SAMD4A: variants seen among roughly 807,000 people sequenced by gnomAD.
SAMD4A encodes protein Smaug homolog 1.
In SAMD4A, 33 loss-of-function variants were observed where a neutral mutation model predicts 81.3. The ratio of observed to expected loss-of-function variants is 0.41; its 90% CI spans 0.31 to 0.54. The LOEUF (loss-of-function observed/expected upper bound fraction) is 0.54, where lower values mean the gene tolerates loss of function less well. SAMD4A is among the 20% of genes least tolerant of loss of function. SAMD4A has a pLI of 0.37. For synonymous variants in SAMD4A, 389 were observed against 382.1 expected (o/e 1.02, Z -0.21); for missense variants, 854 against 951.1 (o/e 0.90, Z 1.34).
chr14:54,700,728 T>A (rs1195846686), intron 2 of SAMD4A, among the ~76,000 whole-genome samples: 1 of 152,178 alleles, frequency 6.6e-6, no homozygotes, highest in Non-Finnish European at 1.5e-5. Context: ...TGAATAACTG[T>A]CAATCCCAAG....
chr14:54,675,574 T>G (rs1393020056), intron 2 of SAMD4A, among the ~76,000 whole-genome samples: 1 of 152,200 alleles, frequency 6.6e-6, no homozygotes, highest in Non-Finnish European at 1.5e-5. Context: ...AGTCTTTACT[T>G]TGTTACTAAA....
chr14:54,572,713 T>G (rs2033164446), intron 2 of SAMD4A, among the ~76,000 whole-genome samples: 1 of 152,218 alleles, frequency 6.6e-6, no homozygotes. Context: ...TAAGCCTCAG[T>G]TTTCTTATCT....
intron 2 of SAMD4A, among the ~76,000 whole-genome samples, chr14:54,579,719 A>G (rs546937749): frequency 2.6e-5 from 4 of 152,326 alleles, no homozygotes; most frequent in African/African-American, 9.6e-5. Flanking sequence ...AGGAAGACTC[A>G]TGGAATGGAT....
intron 6 of SAMD4A, among the ~76,000 whole-genome samples, chr14:54,753,002 G>T (rs1379494441): frequency 1.3e-5 from 2 of 152,236 alleles, no homozygotes; most frequent in South Asian, 4.1e-4. Flanking sequence ...AACCTGTCTT[G>T]CCTCCCATCA....
intron 2 of SAMD4A, among the ~76,000 whole-genome samples, chr14:54,634,869 A>C (rs2034995868): frequency 6.6e-6 from 1 of 152,216 alleles, no homozygotes; most frequent in Admixed American, 6.5e-5. Flanking sequence ...ATAGTAATAA[A>C]CTTAGCAGTG....
intron 3 of SAMD4A, among the ~76,000 whole-genome samples, chr14:54,709,008 A>G (rs1359764859): frequency 6.6e-6 from 1 of 152,168 alleles, no homozygotes. Context: ...GGCCGGATGC[A>G]GTGGCTCACT....
chr14:54,706,176 C>T (rs892435651), intron 3 of SAMD4A, among the ~76,000 whole-genome samples: 1 of 149,960 alleles, frequency 6.7e-6, no homozygotes. Flanking sequence ...AGCTAGACCC[C>T]ATCTCTTCAA....
intron 2 of SAMD4A, among the ~76,000 whole-genome samples, chr14:54,645,456 C>G (rs2035266521): frequency 6.6e-6 from 1 of 152,166 alleles, no homozygotes; most frequent in South Asian, 2.1e-4. Flanking sequence ...AAAGACTCTG[C>G]TCGTTTCTCT....
At chr14:54,656,701 C>T (rs1457766330) in intron 2 of SAMD4A, among the ~76,000 whole-genome samples, 5 of 152,168 alleles carry the variant, frequency 3.3e-5, no homozygotes, top group African/African-American at 1.2e-4. Context: ...GATCTCGGCT[C>T]ACTGCAAGCT....
chr14:54,753,332 A>C (rs1464580424), intron 6 of SAMD4A, among the ~76,000 whole-genome samples: 2 of 152,276 alleles, frequency 1.3e-5, no homozygotes, highest in Non-Finnish European at 2.9e-5. Flanking sequence ...TTGAGACTAG[A>C]GAATGGCGAT....
intron 2 of SAMD4A, among the ~76,000 whole-genome samples, chr14:54,666,547 G>T (rs1375849311): frequency 6.6e-6 from 1 of 152,166 alleles, no homozygotes; most frequent in Non-Finnish European, 1.5e-5. Flanking sequence ...AAGTGGCCCT[G>T]CGCATTTCAA....
intron 2 of SAMD4A, among the ~76,000 whole-genome samples, chr14:54,671,457 G>A (rs1160947779): frequency 6.6e-5 from 10 of 152,220 alleles, no homozygotes; most frequent in African/African-American, 2.2e-4. Context: ...TGCAATGGGA[G>A]TGATTGTTAA....
intron 2 of SAMD4A, among the ~76,000 whole-genome samples, chr14:54,650,225 T>C (rs183821618): frequency 3.9e-5 from 6 of 152,356 alleles, no homozygotes; most frequent in African/African-American, 1.4e-4. Flanking sequence ...ATTTACATAT[T>C]GTTGATAAAC....
intron 2 of SAMD4A, among the ~76,000 whole-genome samples, chr14:54,635,409 G>A (rs1018388760): frequency 4.0e-5 from 6 of 150,930 alleles, no homozygotes; most frequent in African/African-American, 1.5e-4. Flanking sequence ...TGGACAACAA[G>A]AATGAAACTC....
intron 2 of SAMD4A, chr14:54,685,586 G>C: frequency 2.3e-6 from 1 of 426,000 alleles, no homozygotes; most frequent in Middle Eastern, 5.9e-4. Context: ...CTTGTTCGTA[G>C]ATTTTTTTTC....
intron 10 of SAMD4A, among the ~76,000 whole-genome samples, 180 bp from the exon 11 acceptor site, chr14:54,776,234 A>G (rs569203058): frequency 5.9e-5 from 9 of 152,326 alleles, no homozygotes; most frequent in Non-Finnish European, 1.3e-4. Flanking sequence ...GAGAAATTAC[A>G]GTGAATGGAA....
chr14:54,612,187 A>G (rs1417185483), intron 2 of SAMD4A, among the ~76,000 whole-genome samples: 2 of 152,226 alleles, frequency 1.3e-5, no homozygotes, highest in African/African-American at 4.8e-5. Flanking sequence ...ACATGGAGAA[A>G]AAGTTTTTTT....
Position 54,748,900 on chromosome 14 carries a change from C to T in SAMD4A, c.1065C>T (p.Leu355=), listed in dbSNP as rs1337680107. The change falls in exon 5 of 13, where the codon CTC becomes CTT. Residue 355 remains leucine, a synonymous_variant. Transcript: ENST00000554335. ...TGACCTATGAGGAGATGATGGCCCT[C>T]ACCGAGTGCCAGCTGGAGGCGCAGG... ...SQMTYEEMMA[L]TECQLEAQNV... 11 of 1,554,138 alleles carry T rather than the reference C, an allele frequency of 7.1e-6. No homozygotes were observed. The highest frequency in any genetic ancestry group is 9.6e-6 in the Non-Finnish European group (11 of 1,148,044).
chr14:54,616,522 G>T (rs1290568510), intron 2 of SAMD4A, among the ~76,000 whole-genome samples: 1 of 152,134 alleles, frequency 6.6e-6, no homozygotes, highest in Non-Finnish European at 1.5e-5. Context: ...ATGGGAACGT[G>T]GGAAGGCTCC....
Sources: allele counts gnomAD v4.1 joint callset (sites outside exome capture counted in the v4.1 genomes callset), GRCh38; gene constraint gnomAD v4.1.1; transcripts MANE v1.5; gene names NCBI Gene and HGNC (gene_info 2026-07-23, HGNC 2026-07-21).